Variants in PIGK observed in about 807,000 individuals in gnomAD.
PIGK encodes the protein GPI-anchor transamidase.
PIGK carries 42 observed loss-of-function variants against 50.6 expected under a neutral mutation model. That is an observed-to-expected ratio of 0.83 (90% CI 0.65 to 1.07). The LOEUF is 1.07. Among genes scored for constraint, PIGK ranks in the 50% least tolerant of loss-of-function variants. The pLI is 0.00. For missense variants in PIGK, 448 were observed against 488.7 expected, an observed-to-expected ratio of 0.92 and a Z score of 0.78; for synonymous variants, 151 against 156.0, an observed-to-expected ratio of 0.97 and a Z score of 0.24.
chr1:77,156,621 G>T (rs1043321614), intron 8 of PIGK, among the ~76,000 whole-genome samples: 2 of 152,058 alleles, frequency 1.3e-5, no homozygotes, highest in Non-Finnish European at 2.9e-5. Context: ...TCAAAGAAAA[G>T]GATCATCCAT....
intron 8 of PIGK, 25 bp downstream of exon 8, chr1:77,161,270 A>G (rs1655121711): frequency 5.6e-6 from 6 of 1,067,260 alleles, no homozygotes; most frequent in African/African-American, 1.6e-5. Context: ...CCTATGTGCT[A>G]TAATCAAATC....
At chr1:77,203,523 G>T (rs1656217570) in intron 3 of PIGK, among the ~76,000 whole-genome samples, 1 of 152,162 alleles carries the variant, frequency 6.6e-6, no homozygotes, top group Non-Finnish European at 1.5e-5. Context: ...TCTTATGAGT[G>T]TATCTTTGCA....
intron 9 of PIGK, among the ~76,000 whole-genome samples, chr1:77,135,783 T>C (rs1209776101): frequency 1.3e-5 from 2 of 150,796 alleles, no homozygotes; most frequent in Non-Finnish European, 3.0e-5. Flanking sequence ...ACAACCCTTT[T>C]CCCAAAGGAA....
intron 3 of PIGK, among the ~76,000 whole-genome samples, chr1:77,203,749 T>C (rs1656223825): frequency 6.6e-6 from 1 of 152,112 alleles, no homozygotes; most frequent in Non-Finnish European, 1.5e-5. Flanking sequence ...TTACCCAAAT[T>C]AATACTTTTA....
At chr1:77,152,565 A>C (rs1046653465) in intron 9 of PIGK, among the ~76,000 whole-genome samples, 1 of 152,118 alleles carries the variant, frequency 6.6e-6, no homozygotes, top group Admixed American at 6.6e-5. Flanking sequence ...TGAAGAGACA[A>C]CGTACAGAAT....
intron 10 of PIGK, among the ~76,000 whole-genome samples, chr1:77,101,441 T>C (rs1045051560): frequency 1.3e-5 from 2 of 152,202 alleles, no homozygotes; most frequent in Non-Finnish European, 2.9e-5. Context: ...TATATGGGTG[T>C]GATTCTACTA....
In PIGK at chr1:77,196,049, C is replaced by T. The variant is rs74673385; in HGVS notation, c.239+10591G>A. Among the ~76,000 whole-genome samples the T allele has an allele frequency of 9.1e-4, 139 of 152,210 alleles. No individual in the cohort carries two copies. In the East Asian group the frequency reaches 0.024, roughly 26 times the overall value. On this transcript the variant is annotated intron_variant, in intron 3 of 10. Coordinates refer to ENST00000370812, the MANE Select transcript of PIGK (RefSeq NM_005482.3). ...ATGTGCATGTGTACTCAATGCTTAG[C>T]TCTCACACTTATAAGTAAGAACATG...
At chr1:77,146,701 G>A (rs2100546166) in intron 9 of PIGK, among the ~76,000 whole-genome samples, 1 of 152,262 alleles carries the variant, frequency 6.6e-6, no homozygotes, top group Non-Finnish European at 1.5e-5. Flanking sequence ...GGAGGCTAAG[G>A]CAGGAGAATT....
intron 1 of PIGK, among the ~76,000 whole-genome samples, chr1:77,216,270 A>C (rs1410612938): frequency 1.3e-5 from 2 of 152,200 alleles, no homozygotes; most frequent in East Asian, 3.8e-4. Flanking sequence ...GGCATCGCTT[A>C]AAGAGAATAC....
chr1:77,123,881 G>A (rs769066720), intron 9 of PIGK, among the ~76,000 whole-genome samples: 2 of 151,886 alleles, frequency 1.3e-5, no homozygotes, highest in Non-Finnish European at 2.9e-5. Context: ...ACCTTAGAAC[G>A]TGACTGTATT....
chr1:77,132,095 T>G (rs1030518773), intron 9 of PIGK, among the ~76,000 whole-genome samples: 3 of 152,066 alleles, frequency 2.0e-5, no homozygotes, highest in Non-Finnish European at 2.9e-5. Flanking sequence ...ACTTTCTTTC[T>G]AAATCTAAAT....
chr1:77,193,415 T>A (rs139276023), intron 3 of PIGK, among the ~76,000 whole-genome samples: 3 of 152,208 alleles, frequency 2.0e-5, no homozygotes, highest in Admixed American at 6.5e-5. Flanking sequence ...ATGTAGCAAC[T>A]CCATAAATAC....
rs190834801 is a variant in PIGK at position 77,132,734 on chromosome 1, G to A, written c.987-10375C>T. Among the ~76,000 whole-genome samples, 3 of 151,926 alleles carry A rather than the reference G, an allele frequency of 2.0e-5. No individual in the cohort carries two copies. In the East Asian group the frequency reaches 5.8e-4, roughly 29 times the overall value. On this transcript the variant is annotated intron_variant, in intron 9 of 10. Coordinates refer to ENST00000370812, the MANE Select transcript of PIGK (RefSeq NM_005482.3). Reference sequence around the variant, plus strand: ...TTCATTTAGTTTTATTTTATTTCAAGTGCATTGGCAACAAATTCTCTGTCT... The same window carrying A: ...TTCATTTAGTTTTATTTTATTTCAAATGCATTGGCAACAAATTCTCTGTCT...
At position 77,193,540 on chromosome 1, in the gene PIGK, T is replaced by C. The variant is rs191145663; in HGVS notation, c.239+13100A>G. On this transcript the variant is annotated intron_variant, in intron 3 of 10. Transcript: ENST00000370812. ...TCATCATTTATTCATCCTAGTCCAGTTGTAGTCATCTAATGAATAAGGGAA... is the reference window on the plus strand; with the variant it reads ...TCATCATTTATTCATCCTAGTCCAGCTGTAGTCATCTAATGAATAAGGGAA... 4.6e-4 allele frequency among the ~76,000 whole-genome samples: 70 copies of C among 152,266 alleles called. 1 individual carries two copies. Among genetic ancestry groups the C allele is most frequent in the African/African-American group, 1.6e-3 (65 of 41,556 alleles).
At chr1:77,213,518 T>A (rs1047373650) in intron 1 of PIGK, among the ~76,000 whole-genome samples, 2 of 151,956 alleles carry the variant, frequency 1.3e-5, no homozygotes, top group African/African-American at 4.8e-5. Context: ...CTTTAATACA[T>A]GAAAATAGAA....
intron 10 of PIGK, among the ~76,000 whole-genome samples, chr1:77,110,605 T>C (rs1351520649): frequency 6.6e-6 from 1 of 151,956 alleles, no homozygotes; most frequent in African/African-American, 2.4e-5. Context: ...ATACAAAAAT[T>C]AATTCAAGAT....
chr1:77,156,297 T>C (rs576875861), intron 8 of PIGK, among the ~76,000 whole-genome samples: 2 of 152,310 alleles, frequency 1.3e-5, no homozygotes, highest in South Asian at 4.1e-4. Context: ...AAACACTGAA[T>C]AATATTATCC....
chr1:77,186,083 C>T (rs948537279), intron 3 of PIGK, among the ~76,000 whole-genome samples: 26 of 152,182 alleles, frequency 1.7e-4, no homozygotes, highest in Non-Finnish European at 2.9e-5. Flanking sequence ...CAGGCTTGAC[C>T]AGGTCCTGAA....
Position 77,181,492 on chromosome 1 carries a change from A to G in PIGK, c.240-12097T>C, listed in dbSNP as rs114085876. On this transcript the variant is annotated intron_variant, in intron 3 of 10. Transcript: ENST00000370812. ...ATGTTTTTAAACTGTTCGCTTAAAA[A>G]TGTTATATATAATAATATATAATGT... Among the ~76,000 whole-genome samples, 415 of 152,298 alleles carry G rather than the reference A, an allele frequency of 2.7e-3. 1 individual carries two copies. The highest frequency in any genetic ancestry group is 9.2e-3 in the African/African-American group (382 of 41,566).
Sources: allele counts gnomAD v4.1 joint callset (sites outside exome capture counted in the v4.1 genomes callset), GRCh38; gene constraint gnomAD v4.1.1; transcripts MANE v1.5; gene names NCBI Gene and HGNC (gene_info 2026-07-23, HGNC 2026-07-21).